The following DEPTOR variants were observed in gnomAD, a reference collection of about 807,000 sequenced individuals.
DEPTOR encodes DEP domain-containing mTOR-interacting protein.
In DEPTOR, 41 loss-of-function variants were observed where a neutral mutation model predicts 41.6. The ratio of observed to expected loss-of-function variants is 0.98; its 90% CI spans 0.77 to 1.28. The LOEUF (loss-of-function observed/expected upper bound fraction) is 1.28. Among genes scored for constraint, DEPTOR ranks in the 50% most tolerant of loss-of-function variants. The pLI is 0.00. For missense variants in DEPTOR, 514 were observed against 527.9 expected (o/e 0.97, Z 0.26); for synonymous variants, 195 against 192.3 (o/e 1.01, Z -0.12).
intron 8 of DEPTOR, among the ~76,000 whole-genome samples, chr8:120,026,761 T>A (rs988001876): frequency 1.3e-5 from 2 of 152,196 alleles, no homozygotes; most frequent in African/African-American, 4.8e-5. Flanking sequence ...GTTAAGTAAG[T>A]TGTATGAAAT....
chr8:119,893,765 G>A (rs147175223), intron 1 of DEPTOR, among the ~76,000 whole-genome samples: 1 of 108,196 alleles, frequency 9.2e-6, no homozygotes, highest in African/African-American at 3.2e-5. Flanking sequence ...TGACAGAGAA[G>A]ACTCCGTCTC....
rs377443807 is a variant in DEPTOR, at chr8:119,900,380, C to CTTTTTTTTTTTTTTTTTTT, written c.122+26418_122+26436dup. Among the ~76,000 whole-genome samples the CTTTTTTTTTTTTTTTTTTT allele has an allele frequency of 3.0e-3, 132 of 43,920 alleles. 29 individuals are homozygous for CTTTTTTTTTTTTTTTTTTT. The highest frequency in any genetic ancestry group is 9.4e-3 in the South Asian group (6 of 638). 28.8% of individuals were successfully genotyped at this position (43,920 alleles called of 152,430 possible). A position where few individuals can be genotyped will look rare whatever the true frequency, so the allele number is the denominator to read the frequency against. On this transcript the variant is annotated intron_variant, in intron 1 of 8. Transcript: ENST00000286234. The stretch of plus-strand genomic sequence containing the variant: ...TAAATGTCTATTACACACCCCTCAC[C>CTTTTTTTTTTTTTTTTTTT]TTTTTTTTTTTTTTTTTTTTTTTTG...
chr8:119,992,307 G>A (rs1426846400), intron 4 of DEPTOR, among the ~76,000 whole-genome samples: 1 of 152,156 alleles, frequency 6.6e-6, no homozygotes, highest in East Asian at 1.9e-4. Context: ...AGGTGATCTT[G>A]ATGACCTCTG....
intron 3 of DEPTOR, among the ~76,000 whole-genome samples, chr8:119,939,200 G>C (rs2129887047): frequency 6.6e-6 from 1 of 152,310 alleles, no homozygotes; most frequent in African/African-American, 2.4e-5. Context: ...GTATGTCAAA[G>C]AGTGTGCTTG....
At chr8:119,925,312 C>T (rs1419821421) in intron 1 of DEPTOR, among the ~76,000 whole-genome samples, 1 of 152,072 alleles carries the variant, frequency 6.6e-6, no homozygotes, top group Non-Finnish European at 1.5e-5. Flanking sequence ...ATTACTTGAA[C>T]ATGGGAGGTG....
At position 119,951,056 on chromosome 8, in the gene DEPTOR, A is replaced by AAT. The variant is rs763287470; in HGVS notation, c.426-14172_426-14171dup. Among the ~76,000 whole-genome samples the AAT allele has an allele frequency of 1.5e-4, 22 of 142,094 alleles. 1 individual carries two copies. The highest frequency in any genetic ancestry group is 5.3e-4 in the African/African-American group (21 of 39,462). 93.2% of individuals were successfully genotyped at this position (142,094 alleles called of 152,430 possible). A position where few individuals can be genotyped will look rare whatever the true frequency, so the allele number is the denominator to read the frequency against. ...CCACTGACGGGGTTAGACACTATCT[A>AAT]ATATACACACACACAAACACACACA... On this transcript the variant is annotated intron_variant, in intron 3 of 8. Transcript: ENST00000286234.
intron 3 of DEPTOR, among the ~76,000 whole-genome samples, chr8:119,942,689 G>A (rs1828218834): frequency 6.6e-6 from 1 of 152,124 alleles, no homozygotes; most frequent in African/African-American, 2.4e-5. Flanking sequence ...TTTTCAACTT[G>A]ATAGAATGCA....
At position 119,873,807 on chromosome 8, in the gene DEPTOR, C is replaced by G. The variant is rs1475158993; in HGVS notation, c.-40C>G. ...CTGATCCGAGCACCCAAACCCTCGG[C>G]GGACAGCGGAGCCAGTGGTAGCCGC... On this transcript the variant is annotated 5_prime_UTR_variant, in exon 1 of 9. Coordinates refer to ENST00000286234, the MANE Select transcript of DEPTOR (RefSeq NM_022783.4). 9 of 1,605,222 alleles carry G rather than the reference C, an allele frequency of 5.6e-6. No individual in the cohort carries two copies. The highest frequency in any genetic ancestry group is 6.8e-6 in the Non-Finnish European group (8 of 1,175,944).
intron 1 of DEPTOR, among the ~76,000 whole-genome samples, chr8:119,909,957 C>T (rs965325830): frequency 7.9e-5 from 12 of 152,208 alleles, no homozygotes; most frequent in Admixed American, 2.6e-4. Context: ...CTGGAGCTAC[C>T]ACCTAAAGTC....
intron 4 of DEPTOR, among the ~76,000 whole-genome samples, chr8:119,980,500 TTTCTTTTCTTTTCTC>T (rs1163985215): frequency 8.7e-6 from 1 of 114,822 alleles, no homozygotes; most frequent in Admixed American, 9.6e-5. Context: ...TTTCTTTTCT[TTTCTTTTCTTTTCTC>T]TCTTTGTGTT....
intron 4 of DEPTOR, among the ~76,000 whole-genome samples, chr8:119,971,027 G>A (rs931278950): frequency 5.3e-5 from 8 of 152,092 alleles, no homozygotes; most frequent in African/African-American, 1.7e-4. Context: ...TCGGGAGATC[G>A]AGACCATCCT....
intron 4 of DEPTOR, among the ~76,000 whole-genome samples, chr8:119,990,923 G>A (rs1022097341): frequency 6.6e-6 from 1 of 152,086 alleles, no homozygotes. Context: ...TTGAAAAGTC[G>A]ATTCAAGGAC....
chr8:119,924,865 G>C (rs184406999), intron 1 of DEPTOR, among the ~76,000 whole-genome samples: 52 of 152,252 alleles, frequency 3.4e-4, no homozygotes, highest in African/African-American at 1.3e-3. Flanking sequence ...GGCAATAGGT[G>C]GTTTTTGGGT....
At chr8:119,978,101 C>G (rs972168699) in intron 4 of DEPTOR, among the ~76,000 whole-genome samples, 2 of 152,160 alleles carry the variant, frequency 1.3e-5, no homozygotes, top group African/African-American at 2.4e-5. Flanking sequence ...CCTACCCACC[C>G]CTGCCTCAGT....
intron 8 of DEPTOR, among the ~76,000 whole-genome samples, chr8:120,029,471 C>T (rs1437432938): frequency 6.6e-6 from 1 of 152,138 alleles, no homozygotes; most frequent in Non-Finnish European, 1.5e-5. Context: ...TCTCGGCTCA[C>T]TGCAACCTCT....
chr8:119,984,795 T>C (rs895391214), intron 4 of DEPTOR, among the ~76,000 whole-genome samples: 2 of 152,196 alleles, frequency 1.3e-5, no homozygotes, highest in African/African-American at 2.4e-5. Context: ...GTAATGGGAT[T>C]GCTGGGTCAA....
At chr8:120,002,791 A>AAAAAAATATATATATATATATATATAT in intron 5 of DEPTOR, among the ~76,000 whole-genome samples, 186 bp from the exon 6 acceptor site, 1 of 60,670 alleles carries the variant, frequency 1.6e-5, no homozygotes, top group Non-Finnish European at 2.9e-5. Flanking sequence ...AAAAAAAAAA[A>AAAAAAATATATATATATATATATATAT]ATATATATAT....
intron 4 of DEPTOR, among the ~76,000 whole-genome samples, chr8:120,001,063 C>T (rs1442721374): frequency 4.0e-5 from 6 of 148,564 alleles, no homozygotes; most frequent in South Asian, 2.1e-4. Context: ...GGTGACAGAG[C>T]GAGACACCAT....
intron 1 of DEPTOR, among the ~76,000 whole-genome samples, chr8:119,893,210 A>C (rs1005828215): frequency 6.6e-6 from 1 of 152,174 alleles, no homozygotes; most frequent in African/African-American, 2.4e-5. Context: ...ATGGGACAAA[A>C]AGTTATTTGA....
Sources: allele counts gnomAD v4.1 joint callset (sites outside exome capture counted in the v4.1 genomes callset), GRCh38; gene constraint gnomAD v4.1.1; transcripts MANE v1.5; gene names NCBI Gene and HGNC (gene_info 2026-07-23, HGNC 2026-07-21).